Variants in ATL2 observed in about 807,000 individuals in gnomAD.
The protein encoded by ATL2 is atlastin GTPase 2.
A neutral mutation model predicts 73.9 loss-of-function variants in ATL2; 31 were observed. That is an observed-to-expected ratio of 0.42 (90% CI 0.32 to 0.57). The LOEUF (loss-of-function observed/expected upper bound fraction) is 0.57. Ranked by LOEUF, ATL2 falls within the 20% of genes least tolerant of loss-of-function variation. ATL2 has a pLI of 0.14. For synonymous variants in ATL2, 291 were observed against 237.5 expected (o/e 1.23, Z -2.07); for missense variants, 738 against 702.6 (o/e 1.05, Z -0.57).
intron 2 of ATL2, among the ~76,000 whole-genome samples, chr2:38,337,663 T>G (rs7557897): frequency 6.6e-6 from 1 of 151,786 alleles, no homozygotes; most frequent in Admixed American, 6.6e-5. Context: ...ATCACAGGGA[T>G]TTACTTCAAA....
At chr2:38,345,486 C>T (rs893694243) in intron 1 of ATL2, among the ~76,000 whole-genome samples, 1 of 152,146 alleles carries the variant, frequency 6.6e-6, no homozygotes, top group Non-Finnish European at 1.5e-5. Context: ...GTCAACAGCA[C>T]TATTTCAAAA....
chr2:38,359,631 C>T (rs1670887345), intron 1 of ATL2: 1 of 152,142 alleles, frequency 6.6e-6, no homozygotes, highest in African/African-American at 2.4e-5. Context: ...GTAACTACCA[C>T]TGATGTCACA....
At chr2:38,367,503 G>C (rs1671399000) in intron 1 of ATL2, among the ~76,000 whole-genome samples, 1 of 144,408 alleles carries the variant, frequency 6.9e-6, no homozygotes, top group South Asian at 2.4e-4. Flanking sequence ...TTACTACAGA[G>C]GCTGAGGCAG....
intron 9 of ATL2, among the ~76,000 whole-genome samples, chr2:38,300,614 C>T (rs1038954801): frequency 6.6e-6 from 1 of 152,044 alleles, no homozygotes; most frequent in African/African-American, 2.4e-5. Context: ...TTCACAATTA[C>T]CCCCTATTGC....
At chr2:38,307,545 G>C (rs1667519089) in intron 9 of ATL2, among the ~76,000 whole-genome samples, 1 of 151,876 alleles carries the variant, frequency 6.6e-6, no homozygotes, top group Admixed American at 6.5e-5. Flanking sequence ...CCAGGAAATT[G>C]GTCTGGTCTG....
At position 38,313,295 on chromosome 2, in the gene ATL2, G is replaced by GA. The variant is rs749663110; in HGVS notation, c.712-53dup. 3.7e-6 allele frequency: 5 copies of GA among 1,346,432 alleles called. No homozygotes were observed. The South Asian group carries it at 5.3e-5, about 14-fold the overall frequency. 83.4% of individuals were successfully genotyped at this position (1,346,432 alleles called of 1,614,324 possible). A position where few individuals can be genotyped will look rare whatever the true frequency, so the allele number is the denominator to read the frequency against. ...TTATTTTACAATAAAGAAAATTTAC[G>GA]AAAAAATCACAACTCTTAACAATTG... On this transcript the variant is annotated intron_variant, in intron 6 of 12. Transcript: ENST00000378954.
chr2:38,325,697 AGTACACACACAC>A (rs1558412106), intron 2 of ATL2, among the ~76,000 whole-genome samples: 1 of 3,720 alleles, frequency 2.7e-4, no homozygotes, highest in Non-Finnish European at 5.0e-4. Context: ...CACACACACC[AGTACACACACAC>A]ACACACACAC....
At chr2:38,337,425 G>A (rs1669425773) in intron 2 of ATL2, among the ~76,000 whole-genome samples, 1 of 131,582 alleles carries the variant, frequency 7.6e-6, no homozygotes, top group African/African-American at 2.8e-5. Context: ...GGCAGAGGTT[G>A]CAGTGAGCTG....
At chr2:38,357,589 T>C (rs1198645563) in intron 1 of ATL2, among the ~76,000 whole-genome samples, 1 of 145,798 alleles carries the variant, frequency 6.9e-6, no homozygotes, top group Admixed American at 6.9e-5. Context: ...GAGGCGGAGC[T>C]TGCAGTGAGC....
Position 38,337,486 on chromosome 2 carries a change from C to CAAAAA in ATL2, c.363+5777_363+5781dup, listed in dbSNP as rs755029194. On this transcript the variant is annotated intron_variant, in intron 2 of 12. Transcript: ENST00000378954. The stretch of plus-strand genomic sequence containing the variant: ...TGGCGACAGAACAAGACTCTGTCTC[C>CAAAAA]AAAAAAAAAAAAAAAAAAAAAAAAA... Among the ~76,000 whole-genome samples, 172 of 21,668 alleles carry CAAAAA rather than the reference C, an allele frequency of 7.9e-3. 22 individuals are homozygous for CAAAAA. Among genetic ancestry groups the CAAAAA allele is most frequent in the South Asian group, 0.02 (6 of 302 alleles). The allele number at this position is 21,668 out of a possible 152,430, so 14.2% of individuals were successfully genotyped here.
chr2:38,340,052 T>C (rs946760971), intron 2 of ATL2, among the ~76,000 whole-genome samples: 8 of 151,712 alleles, frequency 5.3e-5, no homozygotes, highest in Non-Finnish European at 7.4e-5. Context: ...ATCTCAAAGT[T>C]ATAATGTTAA....
At chr2:38,306,461 T>A (rs781221662) in intron 9 of ATL2, among the ~76,000 whole-genome samples, 2 of 152,210 alleles carry the variant, frequency 1.3e-5, no homozygotes, top group Non-Finnish European at 2.9e-5. Context: ...ATATCCCTGA[T>A]GAACACTGTT....
At chr2:38,297,921 C>G in intron 12 of ATL2, 1 of 434,520 alleles carries the variant, frequency 2.3e-6, no homozygotes, top group Non-Finnish European at 4.0e-6. Flanking sequence ...AACTAAGAAT[C>G]TATCCAGAGG....
At chr2:38,331,032 G>C (rs1668956890) in intron 2 of ATL2, among the ~76,000 whole-genome samples, 1 of 152,178 alleles carries the variant, frequency 6.6e-6, no homozygotes, top group Non-Finnish European at 1.5e-5. Context: ...GCCGGGCGTG[G>C]TGGCTCACGC....
At chr2:38,368,248 T>A (rs113063028) in intron 1 of ATL2, among the ~76,000 whole-genome samples, 4 of 83,776 alleles carry the variant, frequency 4.8e-5, no homozygotes, top group Admixed American at 2.3e-4. Flanking sequence ...AAATAAGGAC[T>A]TTTTTTTTTT....
At chr2:38,376,078 T>G (rs543708711) in intron 1 of ATL2, 1 of 1,425,212 alleles carries the variant, frequency 7.0e-7, no homozygotes, top group East Asian at 2.5e-5. Context: ...AGCTCGTATC[T>G]GTATTTAATA....
intron 5 of ATL2, 137 bp from the exon 6 acceptor site, chr2:38,314,801 A>G (rs1573458960): frequency 1.7e-6 from 1 of 580,614 alleles, no homozygotes; most frequent in South Asian, 2.6e-5. Context: ...TTTCTAACAC[A>G]CTAGGTATGT....
intron 2 of ATL2, among the ~76,000 whole-genome samples, chr2:38,333,486 T>C (rs1197526575): frequency 1.3e-5 from 2 of 152,142 alleles, no homozygotes; most frequent in African/African-American, 2.4e-5. Flanking sequence ...GGTGGTTGAG[T>C]AGTCAGTGTT....
intron 4 of ATL2, among the ~76,000 whole-genome samples, chr2:38,315,539 T>C (rs1388691065): frequency 1.3e-5 from 2 of 152,112 alleles, no homozygotes; most frequent in African/African-American, 4.8e-5. Context: ...GAAGAAGCAG[T>C]GGTGGTAAAA....
Sources: gnomAD v4.1 joint callset for allele counts (sites outside exome capture counted in the v4.1 genomes callset) on GRCh38, gnomAD v4.1.1 for gene constraint, MANE v1.5 for transcripts, NCBI Gene and HGNC (gene_info 2026-07-23, HGNC 2026-07-21) for gene names.